The following ERC2 variants were observed in gnomAD, a reference collection of about 807,000 sequenced individuals.
The protein encoded by ERC2 is ERC protein 2.
In ERC2, 42 loss-of-function variants were observed where a neutral mutation model predicts 114.8. That is an observed-to-expected ratio of 0.37 (90% confidence interval 0.29 to 0.47). The LOEUF is 0.47. Among genes scored for constraint, ERC2 ranks in the 20% least tolerant of loss-of-function variants. The probability of loss-of-function intolerance (pLI) is 0.99; values close to 1 mark genes in which losing one functional copy is unlikely to be tolerated. For synonymous variants in ERC2, 454 were observed against 425.5 expected, an observed-to-expected ratio of 1.07 and a Z score of -0.82; for missense variants, 939 against 1,150.7, an observed-to-expected ratio of 0.82 and a Z score of 2.66.
At chr3:55,944,649 T>C (rs918940526) in intron 13 of ERC2, among the ~76,000 whole-genome samples, 1 of 152,218 alleles carries the variant, frequency 6.6e-6, no homozygotes, top group African/African-American at 2.4e-5. Context: ...GGATGTCTTG[T>C]TGCCCCTGAC....
intron 15 of ERC2, among the ~76,000 whole-genome samples, chr3:55,701,625 G>C (rs1343324415): frequency 6.6e-6 from 1 of 151,884 alleles, no homozygotes; most frequent in African/African-American, 2.4e-5. Flanking sequence ...AAAAATCCCA[G>C]GCAACCTCTG....
chr3:56,235,144 AC>A (rs1266017025), intron 3 of ERC2, among the ~76,000 whole-genome samples: 1 of 151,950 alleles, frequency 6.6e-6, no homozygotes, highest in South Asian at 2.1e-4. Flanking sequence ...CTCTCCCCCT[AC>A]CCCCAATCCC....
At chr3:55,550,580 A>G (rs1021912724) in intron 17 of ERC2, among the ~76,000 whole-genome samples, 1 of 152,186 alleles carries the variant, frequency 6.6e-6, no homozygotes, top group African/African-American at 2.4e-5. Flanking sequence ...GATGTTATGA[A>G]TTGTTCCTTG....
intron 2 of ERC2, among the ~76,000 whole-genome samples, chr3:56,352,584 A>G (rs1446913207): frequency 3.3e-5 from 5 of 152,230 alleles, no homozygotes; most frequent in African/African-American, 7.2e-5. Context: ...ATATTGCTAC[A>G]TAAGGATATT....
intron 2 of ERC2, among the ~76,000 whole-genome samples, chr3:56,432,630 G>T (rs1362298769): frequency 6.6e-6 from 1 of 152,180 alleles, no homozygotes; most frequent in African/African-American, 2.4e-5. Flanking sequence ...ACAAAAGGCA[G>T]ATTTTCCTAT....
chr3:55,561,452 A>T (rs764771479), intron 17 of ERC2, among the ~76,000 whole-genome samples: 13 of 152,098 alleles, frequency 8.5e-5, no homozygotes, highest in Non-Finnish European at 1.6e-4. Flanking sequence ...CTCTAGCTTC[A>T]TTTCACTCAA....
intron 3 of ERC2, among the ~76,000 whole-genome samples, chr3:56,263,659 G>A (rs1349007947): frequency 6.6e-6 from 1 of 152,156 alleles, no homozygotes; most frequent in Non-Finnish European, 1.5e-5. Flanking sequence ...ATAGACTGAT[G>A]TAGTAATTAA....
intron 14 of ERC2, among the ~76,000 whole-genome samples, chr3:55,854,353 C>T (rs921871997): frequency 2.6e-5 from 4 of 151,944 alleles, no homozygotes; most frequent in African/African-American, 7.3e-5. Flanking sequence ...TGAGTTTTTG[C>T]TTTTGTAGTT....
In ERC2 at chr3:55,949,588, C is replaced by T. The variant is rs113439900; in HGVS notation, c.2403+837G>A. ...TGTATTTCCTACACTGGAATAATTACTGATTTCTCTTTTGGCCAATTAAAA... is the reference window on the plus strand; with the variant it reads ...TGTATTTCCTACACTGGAATAATTATTGATTTCTCTTTTGGCCAATTAAAA... On this transcript the variant is annotated intron_variant, in intron 13 of 17. Transcript: ENST00000288221. Among the ~76,000 whole-genome samples, 1,265 of 152,224 alleles carry T rather than the reference C, an allele frequency of 8.3e-3. 14 individuals are homozygous for T. Among genetic ancestry groups the T allele is most frequent in the African/African-American group, 0.029 (1,218 of 41,530 alleles).
chr3:56,295,731 C>T (rs1251303370), intron 3 of ERC2, among the ~76,000 whole-genome samples: 1 of 152,210 alleles, frequency 6.6e-6, no homozygotes, highest in African/African-American at 2.4e-5. Context: ...TCTGAAACCA[C>T]AGCCACCTGT....
At chr3:56,334,325 T>C (rs1045883413) in intron 2 of ERC2, among the ~76,000 whole-genome samples, 7 of 152,214 alleles carry the variant, frequency 4.6e-5, no homozygotes, top group African/African-American at 1.7e-4. Context: ...AAGTAGGCCA[T>C]AGGCCAAGAG....
At chr3:56,269,352 A>G (rs1214953235) in intron 3 of ERC2, among the ~76,000 whole-genome samples, 1 of 152,218 alleles carries the variant, frequency 6.6e-6, no homozygotes, top group East Asian at 1.9e-4. Context: ...CACCACAACT[A>G]TCTAGAAGTC....
intron 1 of ERC2, among the ~76,000 whole-genome samples, chr3:56,461,887 C>A (rs2063333723): frequency 6.6e-6 from 1 of 151,970 alleles, no homozygotes; most frequent in Non-Finnish European, 1.5e-5. Flanking sequence ...GAATGTAAAC[C>A]AAATCCTTTA....
intron 3 of ERC2, among the ~76,000 whole-genome samples, chr3:56,253,593 G>A (rs1359650620): frequency 6.6e-6 from 1 of 152,224 alleles, no homozygotes; most frequent in East Asian, 1.9e-4. Context: ...CCTCAGTTAT[G>A]AATGGGAGGC....
At chr3:55,551,600 G>T (rs1242444032) in intron 17 of ERC2, among the ~76,000 whole-genome samples, 1 of 152,154 alleles carries the variant, frequency 6.6e-6, no homozygotes, top group Non-Finnish European at 1.5e-5. Flanking sequence ...TCCAAAATCT[G>T]ATGGGGTAGG....
intron 14 of ERC2, among the ~76,000 whole-genome samples, chr3:55,735,398 C>T (rs994040084): frequency 2.0e-5 from 3 of 152,144 alleles, no homozygotes; most frequent in African/African-American, 4.8e-5. Flanking sequence ...GGCTTTTGTA[C>T]TAACATGGCA....
intron 17 of ERC2, among the ~76,000 whole-genome samples, chr3:55,674,645 C>T (rs1357328249): frequency 1.3e-5 from 2 of 152,136 alleles, no homozygotes; most frequent in African/African-American, 4.8e-5. Flanking sequence ...AGGGGTCTTT[C>T]GCCACATATG....
intron 13 of ERC2, among the ~76,000 whole-genome samples, chr3:55,898,061 C>T (rs1174665353): frequency 1.3e-5 from 2 of 152,140 alleles, no homozygotes; most frequent in African/African-American, 4.8e-5. Context: ...CTTCTCAGGC[C>T]TATTAACAAA....
At chr3:56,407,934 C>T (rs2060791471) in intron 2 of ERC2, among the ~76,000 whole-genome samples, 2 of 152,212 alleles carry the variant, frequency 1.3e-5, no homozygotes, top group African/African-American at 4.8e-5. Flanking sequence ...CTTCATGCTG[C>T]AGCTCAAATG....
Sources: allele counts gnomAD v4.1 joint callset (sites outside exome capture counted in the v4.1 genomes callset), GRCh38; gene constraint gnomAD v4.1.1; transcripts MANE v1.5; gene names NCBI Gene and HGNC (gene_info 2026-07-23, HGNC 2026-07-21).